Variants in PDXDC1 observed in about 807,000 individuals in gnomAD.
PDXDC1 encodes pyridoxal dependent decarboxylase domain containing 1, also known as pyridoxal-dependent decarboxylase domain-containing protein 1.
In PDXDC1, 42 loss-of-function variants were observed where a neutral mutation model predicts 100.1. The observed-to-expected ratio is 0.42, with a 90% CI of 0.33 to 0.54. The LOEUF is 0.54. Among genes scored for constraint, PDXDC1 ranks in the 20% least tolerant of loss-of-function variants. The pLI, the probability that PDXDC1 is intolerant of heterozygous loss-of-function variation, is 0.10. For synonymous variants in PDXDC1, 260 were observed against 371.7 expected (o/e 0.70, Z 3.46); for missense variants, 636 against 979.2 (o/e 0.65, Z 4.68).
At chr16:15,123,958 C>T (rs954810954) in intron 16 of PDXDC1, among the ~76,000 whole-genome samples, 6 of 150,846 alleles carry the variant, frequency 4.0e-5, no homozygotes, top group Admixed American at 6.6e-5. Context: ...CATCCGAAAC[C>T]GAGTGATGAT....
chr16:15,144,853 G>A, the PDXDC1 span, among the ~76,000 whole-genome samples: 1 of 152,186 alleles, frequency 6.6e-6, no homozygotes, highest in Admixed American at 6.5e-5. Context: ...CCCACCTGTG[G>A]GTGTAGGAAG....
intron 2 of PDXDC1, 105 bp downstream of exon 2, chr16:14,997,931 A>C: frequency 1.6e-6 from 2 of 1,239,248 alleles, no homozygotes; most frequent in Non-Finnish European, 1.1e-6. Context: ...ACAGTGTCAC[A>C]CACAGCTTTG....
intron 16 of PDXDC1, chr16:15,133,741 G>A (rs1245335748): frequency 8.1e-6 from 13 of 1,599,674 alleles, no homozygotes; most frequent in South Asian, 4.4e-5. Context: ...GGAGGGCTCC[G>A]TGACGTCACA....
At chr16:14,990,713 T>C (rs1229233008) in intron 1 of PDXDC1, among the ~76,000 whole-genome samples, 5 of 152,290 alleles carry the variant, frequency 3.3e-5, no homozygotes, top group Non-Finnish European at 2.9e-5. Flanking sequence ...CCCCTGGGCT[T>C]ACTCCCTGAA....
At position 15,102,812 on chromosome 16, in the gene PDXDC1, G is replaced by C. The variant is rs1332334216; in HGVS notation, c.1400-36067G>C. Among the ~76,000 whole-genome samples, 95 of 149,670 alleles carry C rather than the reference G, an allele frequency of 6.3e-4. 1 individual carries two copies. The highest frequency in any genetic ancestry group is 1.7e-3 in the African/African-American group (68 of 39,674). On this transcript the variant is annotated intron_variant, in intron 16 of 16. Transcript: ENST00000535621. ...CAAAAAATTTAAAAAAGGAGTTTGT[G>C]TTCCTGTAGTAGCAGACTTGGGAGG...
intron 16 of PDXDC1, among the ~76,000 whole-genome samples, chr16:15,048,490 G>T (rs1597801050): frequency 6.6e-6 from 1 of 151,892 alleles, no homozygotes; most frequent in Non-Finnish European, 1.5e-5. Flanking sequence ...AAAGTGCTGG[G>T]ATTACAGGCA....
chr16:15,092,866 T>G (rs2046192386), intron 16 of PDXDC1, among the ~76,000 whole-genome samples: 2 of 152,328 alleles, frequency 1.3e-5, no homozygotes, highest in Admixed American at 6.5e-5. Context: ...GGCCCCTGCC[T>G]ACCTCTCTCA....
chr16:15,004,077 G>C, intron 4 of PDXDC1, 110 bp from the exon 5 acceptor site: 1 of 1,046,344 alleles, frequency 9.6e-7, no homozygotes, highest in South Asian at 1.5e-5. Context: ...TTGCCTTCTG[G>C]GCCATTAAGT....
At chr16:15,078,517 C>T (rs2045558604) in intron 16 of PDXDC1, among the ~76,000 whole-genome samples, 1 of 152,108 alleles carries the variant, frequency 6.6e-6, no homozygotes, top group African/African-American at 2.4e-5. Flanking sequence ...ACCACTAAAT[C>T]CAAGGACTGT....
At chr16:15,127,839 G>T in intron 16 of PDXDC1, 1 of 1,565,004 alleles carries the variant, frequency 6.4e-7, no homozygotes, top group Non-Finnish European at 8.6e-7. Flanking sequence ...GCTTGTCAAA[G>T]AAGCCGCACT....
chr16:15,115,000 A>G (rs951112452), intron 16 of PDXDC1, among the ~76,000 whole-genome samples: 5 of 144,588 alleles, frequency 3.5e-5, no homozygotes, highest in Non-Finnish European at 7.5e-5. Flanking sequence ...CAGTGGTGCA[A>G]TCTCGGCTCG....
At position 15,135,210 on chromosome 16, in the gene PDXDC1, C is replaced by T. The variant is rs188033734; in HGVS notation, c.1400-3669C>T. On this transcript the variant is annotated intron_variant, in intron 16 of 16. Transcript: ENST00000535621. ...CGCGGCCTCCACCAGCACTAAAACA[C>T]GGAAAACAGTAGATGAGCAGGGAGG... 2.5e-4 allele frequency: 197 copies of T among 787,228 alleles called. 1 individual carries two copies. The East Asian group carries it at 4.3e-3, about 17-fold the overall frequency. 48.8% of individuals were successfully genotyped at this position (787,228 alleles called of 1,614,324 possible). A position where few individuals can be genotyped will look rare whatever the true frequency, so the allele number is the denominator to read the frequency against.
chr16:15,125,529 A>G, intron 16 of PDXDC1: 2 of 1,567,340 alleles, frequency 1.3e-6, no homozygotes, highest in East Asian at 2.2e-5. Flanking sequence ...CCAGGGCTCG[A>G]GGTTTCTCTA....
intron 1 of PDXDC1, among the ~76,000 whole-genome samples, chr16:14,978,087 T>C (rs951694407): frequency 1.3e-5 from 2 of 152,034 alleles, no homozygotes; most frequent in African/African-American, 4.8e-5. Flanking sequence ...AGAGCCATTT[T>C]CTCGTCACGA....
At chr16:15,132,390 G>A (rs1394225527) in intron 16 of PDXDC1, among the ~76,000 whole-genome samples, 3 of 88,218 alleles carry the variant, frequency 3.4e-5, no homozygotes, top group African/African-American at 9.0e-5. Flanking sequence ...GAGGGGAGGG[G>A]TTAGGGGAGG....
At chr16:14,986,346 G>A (rs1400625926) in intron 1 of PDXDC1, among the ~76,000 whole-genome samples, 2 of 152,280 alleles carry the variant, frequency 1.3e-5, no homozygotes, top group African/African-American at 4.8e-5. Flanking sequence ...GCGGGCACCT[G>A]GAATCCCAGC....
chr16:15,068,776 C>T (rs975074054), intron 16 of PDXDC1, among the ~76,000 whole-genome samples: 1 of 152,106 alleles, frequency 6.6e-6, no homozygotes, highest in Non-Finnish European at 1.5e-5. Flanking sequence ...CCTCAACGGA[C>T]GGCAAATTTA....
intron 16 of PDXDC1, chr16:15,132,888 C>T (rs2665261): frequency 4.3e-5 from 69 of 1,591,370 alleles, no homozygotes; most frequent in South Asian, 2.4e-4. Flanking sequence ...GGCAGGCAGG[C>T]GGCACAGCAA....
At chr16:15,111,157 AAAC>A (rs1567267051) in intron 16 of PDXDC1, among the ~76,000 whole-genome samples, 1 of 144,544 alleles carries the variant, frequency 6.9e-6, no homozygotes, top group African/African-American at 2.5e-5. Flanking sequence ...CACACACACA[AAAC>A]ACACAAGAAT....
Sources: gnomAD v4.1 joint callset for allele counts (sites outside exome capture counted in the v4.1 genomes callset) on GRCh38, gnomAD v4.1.1 for gene constraint, MANE v1.5 for transcripts, NCBI Gene and HGNC (gene_info 2026-07-23, HGNC 2026-07-21) for gene names.